Variants in CNGA3 observed in about 807,000 individuals in gnomAD.
CNGA3 encodes the protein cyclic nucleotide-gated channel alpha-3.
In CNGA3, 42 loss-of-function variants were observed where a neutral mutation model predicts 46.6. The observed-to-expected ratio is 0.90, with a 90% CI of 0.70 to 1.17. CNGA3 has a LOEUF of 1.17. CNGA3 is among the 50% of genes most tolerant of loss of function. The pLI is 0.00. For missense variants in CNGA3, 893 were observed against 890.7 expected, an observed-to-expected ratio of 1.00 and a Z score of -0.03; for synonymous variants, 394 against 369.4, an observed-to-expected ratio of 1.07 and a Z score of -0.76.
rs373954146 is a variant in CNGA3, at chr2:98,396,582, A to T, written c.1412A>T (p.Asn471Ile). 6.2e-7 allele frequency: 1 copy of T among 1,613,974 alleles called. No homozygotes were observed. The highest frequency in any genetic ancestry group is 1.1e-5 in the South Asian group (1 of 91,066). ...AAGCTGAAGGCTGAGATCGCCATCAACGTGCACCTGGACACGCTGAAGAAG... is the reference window on the plus strand; with the variant it reads ...AAGCTGAAGGCTGAGATCGCCATCATCGTGCACCTGGACACGCTGAAGAAG... The part of the protein sequence containing the change: ...PDKLKAEIAI[N>I]VHLDTLKKVR... The change falls in exon 8 of 8, where the codon AAC (asparagine) becomes ATC (isoleucine). Residue 471 changes from asparagine to isoleucine, a missense_variant. Physicochemically the swap from Asn to Ile is moderately radical, Grantham distance 149. Around this residue, in one of 3 missense-constraint regions of CNGA3, gnomAD observed 548 missense variants for 570.8 expected, o/e 0.96. Coordinates refer to ENST00000272602, the MANE Select transcript of CNGA3 (RefSeq NM_001298.3).
At chr2:98,380,021 C>T in intron 3 of CNGA3, 154 bp from the exon 4 acceptor site, 1 of 868,420 alleles carries the variant, frequency 1.2e-6, no homozygotes, top group African/African-American at 1.7e-5. Context: ...CACAGGGCCC[C>T]CAGCACCCGT....
intron 3 of CNGA3, 57 bp downstream of exon 3, chr2:98,377,857 G>A: frequency 6.7e-7 from 1 of 1,497,102 alleles, no homozygotes; most frequent in Non-Finnish European, 9.1e-7. Flanking sequence ...GCAGAAAGAA[G>A]GTAGTGACCT....
intron 6 of CNGA3, among the ~76,000 whole-genome samples, chr2:98,391,201 A>C (rs1692779291): frequency 6.6e-6 from 1 of 152,228 alleles, no homozygotes; most frequent in South Asian, 2.1e-4. Context: ...GGGGCAGGTG[A>C]AAACTGGAAG....
At position 98,349,367 on chromosome 2, in the gene CNGA3, C is replaced by A. The variant is rs144337768; in HGVS notation, c.-38+2833C>A. On this transcript the variant is annotated intron_variant, in intron 1 of 7. Coordinates refer to ENST00000272602, the MANE Select transcript of CNGA3 (RefSeq NM_001298.3). ...TCACTTGATCCAAATTATGAAAAGT[C>A]TTGACCATCAGGCTAAGAAATGGAG... 2.8e-3 allele frequency among the ~76,000 whole-genome samples: 432 copies of A among 152,242 alleles called. 2 individuals are homozygous for A. Among genetic ancestry groups the A allele is most frequent in the African/African-American group, 1.0e-2 (414 of 41,528 alleles).
rs575008078 is a variant in CNGA3, at chr2:98,391,463, A to G, written c.567-401A>G. Among the ~76,000 whole-genome samples, 7 of 152,248 alleles carry G rather than the reference A, an allele frequency of 4.6e-5. No homozygotes were observed. The East Asian group carries it at 1.2e-3, about 25-fold the overall frequency. On this transcript the variant is annotated intron_variant, in intron 6 of 7. Coordinates refer to ENST00000272602, the MANE Select transcript of CNGA3 (RefSeq NM_001298.3). The stretch of plus-strand genomic sequence containing the variant: ...AAGATGGAGAAGGTAGAAAATATTT[A>G]CTGTCTGTTCCATTGTTAATCTCTC...
intron 3 of CNGA3, chr2:98,378,061 T>C: frequency 6.4e-7 from 1 of 1,550,640 alleles, no homozygotes; most frequent in Non-Finnish European, 8.7e-7. Context: ...TGCTCAGGTT[T>C]GGAAGAATTC....
In CNGA3 at chr2:98,380,335, C is replaced by A. The variant is rs1187776743; in HGVS notation, c.376C>A (p.Pro126Thr). 1 of 1,613,998 alleles carries A rather than the reference C, an allele frequency of 6.2e-7. No homozygotes were observed. Among genetic ancestry groups the A allele is most frequent in the East Asian group, 2.2e-5 (1 of 44,874 alleles). The change falls in exon 4 of 8, where the codon CCA becomes ACA. Residue 126 changes from proline (P) to threonine (T), a missense_variant. By Grantham distance (38) the Pro-to-Thr change is conservative. Around this residue, in one of 3 missense-constraint regions of CNGA3, gnomAD observed 333 missense variants for 290.8 expected, o/e 1.15. Coordinates refer to ENST00000272602, the MANE Select transcript of CNGA3 (RefSeq NM_001298.3). Reference sequence around the variant, plus strand: ...CCAGGCAAATGTGGGCAGCCAGGAGCCAGCAGACAGAGGGAGAAGGTAAGG... The same window carrying A: ...CCAGGCAAATGTGGGCAGCCAGGAGACAGCAGACAGAGGGAGAAGGTAAGG... ...NAQANVGSQE[P>T]ADRGRSAWPL...
chr2:98,379,367 G>T (rs1692486969), intron 3 of CNGA3, among the ~76,000 whole-genome samples: 1 of 152,236 alleles, frequency 6.6e-6, no homozygotes, highest in Admixed American at 6.5e-5. Flanking sequence ...CCAAATCAGG[G>T]AAACCAGAAG....
At chr2:98,372,498 C>T (rs1692310841) in intron 2 of CNGA3, among the ~76,000 whole-genome samples, 1 of 152,144 alleles carries the variant, frequency 6.6e-6, no homozygotes, top group Non-Finnish European at 1.5e-5. Context: ...GTCCTCCCTT[C>T]TCCTTCCTTT....
chr2:98,374,372 G>A lies in CNGA3; in HGVS notation c.102-3315G>A, dbSNP rs140398874. On this transcript the variant is annotated intron_variant, in intron 2 of 7. Transcript: ENST00000272602. ...CATCAGGGGGGCCTCTTCCTTGGAAGGCATCGACCCCACATGGGATCTTAG... is the reference window on the plus strand; with the variant it reads ...CATCAGGGGGGCCTCTTCCTTGGAAAGCATCGACCCCACATGGGATCTTAG... Among the ~76,000 whole-genome samples, 802 of 152,282 alleles carry A rather than the reference G, an allele frequency of 5.3e-3. 34 individuals are homozygous for A. Among genetic ancestry groups the A allele is most frequent in the Admixed American group, 0.047 (711 of 15,288 alleles).
intron 5 of CNGA3, among the ~76,000 whole-genome samples, chr2:98,386,786 G>C (rs946988113): frequency 6.6e-6 from 1 of 152,134 alleles, no homozygotes; most frequent in Non-Finnish European, 1.5e-5. Context: ...GAAGATGTAG[G>C]AAGGGGACCT....
At chr2:98,365,909 A>G (rs191944481) in intron 1 of CNGA3, among the ~76,000 whole-genome samples, 2 of 152,150 alleles carry the variant, frequency 1.3e-5, no homozygotes, top group Non-Finnish European at 2.9e-5. Flanking sequence ...CAGTTAATCC[A>G]TCTCGGCCTC....
chr2:98,371,803 A>T (rs914719801), intron 2 of CNGA3, among the ~76,000 whole-genome samples: 3 of 152,220 alleles, frequency 2.0e-5, no homozygotes, highest in Non-Finnish European at 4.4e-5. Context: ...TGTGTGAGCT[A>T]ATAAAGCCCC....
chr2:98,365,939 G>A (rs984043723), intron 1 of CNGA3, among the ~76,000 whole-genome samples: 1 of 152,204 alleles, frequency 6.6e-6, no homozygotes, highest in Non-Finnish European at 1.5e-5. Context: ...CTGTGCCCTT[G>A]GTGGAGATGT....
chr2:98,380,171 C>T lies in CNGA3; in HGVS notation c.216-4C>T, dbSNP rs373583147. The T allele has an allele frequency of 2.7e-5, 44 of 1,613,966 alleles. No homozygotes were observed. The highest frequency in any genetic ancestry group is 3.3e-5 in the Admixed American group (2 of 60,010). ...TCTGGCTCAGTGCTTGTGTCACCTT[C>T]CAGGCTGTCGCGCCTCATCTTCTTG... On this transcript the variant is annotated splice_polypyrimidine_tract_variant and splice_region_variant and intron_variant, in intron 3 of 7. Coordinates refer to ENST00000272602, the MANE Select transcript of CNGA3 (RefSeq NM_001298.3).
At chr2:98,380,775 G>T (rs746838455) in intron 4 of CNGA3, among the ~76,000 whole-genome samples, 125 of 152,310 alleles carry the variant, frequency 8.2e-4, no homozygotes, top group Non-Finnish European at 1.4e-3. Flanking sequence ...CCTTGGGGGG[G>T]TGTCTAAATG....
At chr2:98,351,760 C>G (rs1574356109) in intron 1 of CNGA3, among the ~76,000 whole-genome samples, 1 of 152,234 alleles carries the variant, frequency 6.6e-6, no homozygotes, top group East Asian at 1.9e-4. Flanking sequence ...TGGCATTTCT[C>G]CCCTTTATTA....
intron 7 of CNGA3, among the ~76,000 whole-genome samples, chr2:98,393,637 G>C (rs1259823813): frequency 1.3e-5 from 2 of 152,170 alleles, no homozygotes; most frequent in Non-Finnish European, 2.9e-5. Flanking sequence ...CTCTGTAAGT[G>C]GCCCATTGGG....
At chr2:98,355,638 A>T (rs2106074692) in intron 1 of CNGA3, among the ~76,000 whole-genome samples, 1 of 152,338 alleles carries the variant, frequency 6.6e-6, no homozygotes, top group African/African-American at 2.4e-5. Flanking sequence ...TAATATATTG[A>T]CTATCATGGC....
Sources: gnomAD v4.1 joint callset for allele counts (sites outside exome capture counted in the v4.1 genomes callset) on GRCh38, gnomAD v4.1.1 for gene constraint, gnomAD v4.1.1 regional missense constraint, MANE v1.5 for transcripts, NCBI Gene and HGNC (gene_info 2026-07-23, HGNC 2026-07-21) for gene names.